Variants in ESYT1 observed in about 807,000 individuals in gnomAD.
The protein encoded by ESYT1 is extended synaptotagmin 1, also known as extended synaptotagmin-1.
ESYT1 carries 116 observed loss-of-function variants against 154.2 expected under a neutral mutation model. The ratio of observed to expected loss-of-function variants is 0.75; its 90% CI spans 0.65 to 0.88. The LOEUF is 0.88. ESYT1 is among the 40% of genes least tolerant of loss of function. The pLI is 0.00. For missense variants in ESYT1, 1,264 were observed against 1,379.3 expected (o/e 0.92, Z 1.32); for synonymous variants, 500 against 539.9 (o/e 0.93, Z 1.02).
At position 56,130,849 on chromosome 12, in the gene ESYT1, CTG is replaced by C; in HGVS notation, c.494_495del (p.Val165GlyfsTer5). 6.2e-7 allele frequency: 1 copy of C among 1,614,176 alleles called. No individual in the cohort carries two copies. Among genetic ancestry groups the C allele is most frequent in the Non-Finnish European group, 8.5e-7 (1 of 1,180,034 alleles). ...TATATGGAGAAGCTTCTGGCTGAAA[CTG>C]TGGCTCCGGCTGTTAGGGGATCTAA... On this transcript the variant is annotated frameshift_variant, in exon 3 of 31. Transcript: ENST00000394048. LOFTEE classifies it high-confidence loss of function.
In ESYT1 at chr12:56,137,370, T is replaced by C. The variant is rs2271192; in HGVS notation, c.1935T>C (p.Thr645=). 0.13 allele frequency: 204,363 copies of C among 1,614,014 alleles called. 17,301 individuals are homozygous for C. The highest frequency in any genetic ancestry group is 0.43 in the African/African-American group (32,399 of 74,950). The change falls in exon 17 of 31, where the codon ACT becomes ACC. Residue 645 remains threonine (T), a synonymous_variant. Transcript: ENST00000394048. The stretch of plus-strand genomic sequence containing the variant: ...CGACTCCTGATAGCCAGTTTGGGAC[T>C]GAGGTGAGTCTATATCTGGAAAGGA... ...CHTTPDSQFG[T]EHVLRIHVLE...
Position 56,130,945 on chromosome 12 carries a change from A to G in ESYT1, c.567+20A>G. The G allele has an allele frequency of 6.2e-7, 1 of 1,614,180 alleles. No homozygotes were observed. Among genetic ancestry groups the G allele is most frequent in the Non-Finnish European group, 8.5e-7 (1 of 1,179,998 alleles). ...GAAAAGGTATGTGTGGAGGAGGGAA[A>G]GTGAGGAGGTAGGCTAGGGAGGGTG... On this transcript the variant is annotated intron_variant, in intron 3 of 30. Transcript: ENST00000394048.
Position 56,128,478 on chromosome 12 carries a change from G to T in ESYT1, c.159G>T (p.Ala53=). ...AGPGAAGEAL[A]VLTSFGRRLL... is the part of the protein sequence containing the mutation. Reference sequence around the variant, plus strand: ...CTGGCGCGGCGGGTGAGGCCCTGGCGGTGCTGACTTCATTCGGGAGGCGGT... The same window carrying T: ...CTGGCGCGGCGGGTGAGGCCCTGGCTGTGCTGACTTCATTCGGGAGGCGGT... The change falls in exon 1 of 31, where the codon GCG becomes GCT. Residue 53 remains alanine, a synonymous_variant. Coordinates refer to ENST00000394048, the MANE Select transcript of ESYT1 (RefSeq NM_015292.3). 1.2e-6 allele frequency: 2 copies of T among 1,610,962 alleles called. No individual in the cohort carries two copies. The highest frequency in any genetic ancestry group is 1.7e-6 in the Non-Finnish European group (2 of 1,178,564).
At chr12:56,140,690 A>G (rs1349857871) in intron 24 of ESYT1, among the ~76,000 whole-genome samples, 1 of 152,116 alleles carries the variant, frequency 6.6e-6, no homozygotes, top group East Asian at 1.9e-4. Flanking sequence ...GAGGTCACAT[A>G]TCCAGATTTG....
chr12:56,142,509 A>T lies in ESYT1; in HGVS notation c.2734-69A>T. The T allele has an allele frequency of 1.2e-6, 2 of 1,610,512 alleles. No homozygotes were observed. The highest frequency in any genetic ancestry group is 1.7e-6 in the Non-Finnish European group (2 of 1,177,474). ...GAGGGACACCCAGGAGGGTGGGAAC[A>T]GAGGGCCGTGTCCTTAGAGTGAGGG... On this transcript the variant is annotated intron_variant, in intron 25 of 30. Transcript: ENST00000394048. This position sits in a 1 kb window ranked among gnomAD's most constrained non-coding sequence, Gnocchi z 4.1.
Position 56,128,650 on chromosome 12 carries a change from G to T in ESYT1, c.331G>T (p.Asp111Tyr). 1 of 1,614,198 alleles carries T rather than the reference G, an allele frequency of 6.2e-7. No individual in the cohort carries two copies. The highest frequency in any genetic ancestry group is 1.1e-5 in the South Asian group (1 of 91,074). Residue 111 changes from aspartate (D) to tyrosine (Y), a missense_variant, in exon 1 of 31, where the codon GAC becomes TAC. By Grantham distance (160) the Asp-to-Tyr change is radical. Coordinates refer to ENST00000394048, the MANE Select transcript of ESYT1 (RefSeq NM_015292.3). The stretch of plus-strand genomic sequence containing the variant: ...TCGAGCAGCGAGGCAGCTACTGGAC[G>T]ACGAGGAGCAGCTCACTGCGAAAAC... Reference protein sequence around the residue: ...SLRAARQLLDDEEQLTAKTLY... With the variant: ...SLRAARQLLDYEEQLTAKTLY...
chr12:56,134,018 A>G, intron 13 of ESYT1, 92 bp from the exon 14 acceptor site: 1 of 1,552,696 alleles, frequency 6.4e-7, no homozygotes, highest in Non-Finnish European at 8.9e-7. Flanking sequence ...GATCCATCTC[A>G]GGGAAAGGAT....
At chr12:56,136,650 G>T in intron 15 of ESYT1, 94 bp from the exon 16 acceptor site, 6 of 1,100,634 alleles carry the variant, frequency 5.5e-6, no homozygotes, top group Non-Finnish European at 7.6e-6. Context: ...GATTGGTACA[G>T]AGAGGAATGA....
rs771079385 is a variant in ESYT1, at chr12:56,142,597, C to T, written c.2753C>T (p.Ser918Leu). 15 of 1,613,964 alleles carry T rather than the reference C, an allele frequency of 9.3e-6. No individual in the cohort carries two copies. The highest frequency in any genetic ancestry group is 2.2e-5 in the East Asian group (1 of 44,874). Residue 918 changes from serine to leucine, a missense_variant, in exon 26 of 31, where the codon TCG (serine) becomes TTG (leucine). Physicochemically the swap from Ser to Leu is moderately radical, Grantham distance 145. Coordinates refer to ENST00000394048, the MANE Select transcript of ESYT1 (RefSeq NM_015292.3). The surrounding 1 kb of genome is among the most constrained non-coding windows in gnomAD (Gnocchi z 4.1). Reference sequence around the variant, plus strand: ...CCCTAGATCCTGGTGTCCCAGCACTCGGGAGTGGAAGCTCATAGCCACAGC... The same window carrying T: ...CCCTAGATCCTGGTGTCCCAGCACTTGGGAGTGGAAGCTCATAGCCACAGC... ...AQLGILVSQH[S>L]GVEAHSHSYS...
chr12:56,129,186 C>G (rs991376610), intron 1 of ESYT1: 1 of 166,186 alleles, frequency 6.0e-6, no homozygotes, highest in Non-Finnish European at 1.3e-5. Context: ...CGCTTTTATC[C>G]CCGGGTACCC....
rs748049238 is a variant in ESYT1 at position 56,134,110 on chromosome 12, C to G, written c.1474C>G (p.Leu492Val). The change falls in exon 14 of 31, where the codon CTG (leucine) becomes GTG (valine). Residue 492 changes from leucine (L) to valine (V), a missense_variant and splice_region_variant. Transcript: ENST00000394048. The stretch of plus-strand genomic sequence containing the variant: ...GACCTCTGAATTGTACCCACCACAG[C>G]TGAAGAAGGGGAACAAGGAACCCAA... ...VYLDRAQDLP[L>V]KKGNKEPNPM... 4 of 1,614,072 alleles carry G rather than the reference C, an allele frequency of 2.5e-6. No homozygotes were observed. The East Asian group carries it at 8.9e-5, about 36-fold the overall frequency.
intron 1 of ESYT1, 186 bp from the exon 2 acceptor site, chr12:56,130,396 T>G: frequency 1.5e-6 from 1 of 675,730 alleles, no homozygotes; most frequent in Non-Finnish European, 2.7e-6. Flanking sequence ...CTCCCCTTAT[T>G]AGAGAGACAT....
rs1162698049 is a variant in ESYT1 at position 56,132,725 on chromosome 12, G to A, written c.1168G>A (p.Val390Ile). ...PQWGETYEVM[V>I]HEVPGQEIEV... ...AGCCTTCTGTGTTCCCCAGGTGATG[G>A]TACACGAGGTCCCAGGGCAGGAGAT... Residue 390 changes from valine (V) to isoleucine (I), a missense_variant, in exon 10 of 31, where the codon GTA (valine) becomes ATA (isoleucine). Transcript: ENST00000394048. 6.2e-7 allele frequency: 1 copy of A among 1,614,160 alleles called. No individual in the cohort carries two copies. The highest frequency in any genetic ancestry group is 2.2e-5 in the East Asian group (1 of 44,880).
chr12:56,132,498 C>A lies in ESYT1; in HGVS notation c.1062C>A (p.Gly354=). 6.2e-7 allele frequency: 1 copy of A among 1,614,192 alleles called. No homozygotes were observed. The change falls in exon 9 of 31, where the codon GGC becomes GGA. Residue 354 remains glycine (G), a synonymous_variant. Coordinates refer to ENST00000394048, the MANE Select transcript of ESYT1 (RefSeq NM_015292.3). ...KDKYVKGLIE[G]KSDPYALVRL... ...AATATGTGAAGGGCCTGATTGAGGG[C>A]AAGTCAGACCCATATGCACTTGTGC...
In ESYT1 at chr12:56,133,613, G is replaced by A; in HGVS notation, c.1319G>A (p.Gly440Asp). Residue 440 changes from glycine (G) to aspartate (D), a missense_variant, in exon 12 of 31, where the codon GGC becomes GAC. Physicochemically the swap from Gly to Asp is moderately conservative, Grantham distance 94 (BLOSUM62 -1). Coordinates refer to ENST00000394048, the MANE Select transcript of ESYT1 (RefSeq NM_015292.3). ...TGGTTCCCTCTACAAGGTGGGCAAGGCCAAGTTCACTTGAGGCTAGAATGG... is the reference window on the plus strand; with the variant it reads ...TGGTTCCCTCTACAAGGTGGGCAAGACCAAGTTCACTTGAGGCTAGAATGG... ...DDWFPLQGGQ[G>D]QVHLRLEWLS... The A allele has an allele frequency of 6.2e-7, 1 of 1,614,192 alleles. No individual in the cohort carries two copies. Among genetic ancestry groups the A allele is most frequent in the Non-Finnish European group, 8.5e-7 (1 of 1,180,036 alleles).
chr12:56,143,555 T>C, intron 29 of ESYT1, 25 bp from the exon 30 acceptor site: 1 of 1,613,826 alleles, frequency 6.2e-7, no homozygotes, highest in Non-Finnish European at 8.5e-7. Flanking sequence ...AAATAACATC[T>C]TTCCCCTATC....
In ESYT1 at chr12:56,128,541, G is replaced by A; in HGVS notation, c.222G>A (p.Val74=). 6.2e-7 allele frequency: 1 copy of A among 1,613,308 alleles called. No homozygotes were observed. Among genetic ancestry groups the A allele is most frequent in the Non-Finnish European group, 8.5e-7 (1 of 1,179,684 alleles). The change falls in exon 1 of 31, where the codon GTG becomes GTA. Residue 74 remains valine (V), a synonymous_variant. Transcript: ENST00000394048. ...TACCTGTGTATTTGGCCGGGGCAGT[G>A]GGACTCAGCGTGGGTTTCGTGCTCT... is the stretch of plus-strand genomic sequence containing the variant. ...VLIPVYLAGA[V]GLSVGFVLFG... is the part of the protein sequence containing the mutation.
rs1310218864 is a variant in ESYT1 at position 56,132,266 on chromosome 12, C to T, written c.918C>T (p.Asn306=). The change falls in exon 8 of 31, where the codon AAC becomes AAT. Residue 306 remains asparagine, a synonymous_variant. Coordinates refer to ENST00000394048, the MANE Select transcript of ESYT1 (RefSeq NM_015292.3). ...TTGCTGCCTTCCTCGTGTTGCCCAA[C>T]CGATTACTGGTGCCCCTTGTGCCTG... The part of the protein sequence containing the change: ...DSIAAFLVLP[N]RLLVPLVPDL... The T allele has an allele frequency of 1.9e-6, 3 of 1,614,032 alleles. No individual in the cohort carries two copies. Among genetic ancestry groups the T allele is most frequent in the Non-Finnish European group, 2.5e-6 (3 of 1,180,038 alleles).
chr12:56,143,557 TC>T, intron 29 of ESYT1, 22 bp from the exon 30 acceptor site: 1 of 1,613,818 alleles, frequency 6.2e-7, no homozygotes, highest in Non-Finnish European at 8.5e-7. Flanking sequence ...ATAACATCTT[TC>T]CCCTATCATC....
Sources: gnomAD v4.1 joint callset for allele counts (sites outside exome capture counted in the v4.1 genomes callset) on GRCh38, gnomAD v4.1.1 for gene constraint, Gnocchi (gnomAD v3.1) non-coding constraint, MANE v1.5 for transcripts, NCBI Gene and HGNC (gene_info 2026-07-23, HGNC 2026-07-21) for gene names.